Variants in CDC73 observed in about 807,000 individuals in gnomAD.
CDC73 encodes parafibromin.
CDC73 carries 21 observed loss-of-function variants against 83.7 expected under a neutral mutation model. The ratio of observed to expected loss-of-function variants is 0.25; its 90% CI spans 0.18 to 0.36. The LOEUF (loss-of-function observed/expected upper bound fraction) is 0.36. Ranked by LOEUF, CDC73 falls within the 10% of genes least tolerant of loss-of-function variation. CDC73 has a pLI of 1.00. For synonymous variants in CDC73, 224 were observed against 212.9 expected (o/e 1.05, Z -0.45); for missense variants, 342 against 653.3 (o/e 0.52, Z 5.19).
intron 10 of CDC73, among the ~76,000 whole-genome samples, chr1:193,153,025 C>T (rs1284455550): frequency 6.6e-6 from 1 of 152,088 alleles, no homozygotes; most frequent in African/African-American, 2.4e-5. Context: ...GCCTCAGCCT[C>T]CTGAAGTGCT....
chr1:193,165,427 G>T lies in CDC73; in HGVS notation c.972+12983G>T, dbSNP rs192309078. 3.3e-5 allele frequency among the ~76,000 whole-genome samples: 5 copies of T among 152,238 alleles called. No individual in the cohort carries two copies. The East Asian group carries it at 9.7e-4, about 29-fold the overall frequency. Reference sequence around the variant, plus strand: ...AGTACAAATAGAGAAGTATAAAGAAGACTTTATGTATCAGTAGATAAGTAA... The same window carrying T: ...AGTACAAATAGAGAAGTATAAAGAATACTTTATGTATCAGTAGATAAGTAA... On this transcript the variant is annotated intron_variant, in intron 10 of 16. Transcript: ENST00000367435.
intron 15 of CDC73, among the ~76,000 whole-genome samples, chr1:193,243,208 G>C (rs1017598216): frequency 6.6e-6 from 1 of 152,012 alleles, no homozygotes; most frequent in Non-Finnish European, 1.5e-5. Flanking sequence ...CCAAAGTGCT[G>C]GGATTACAGG....
intron 2 of CDC73, among the ~76,000 whole-genome samples, chr1:193,125,584 T>TC (rs1675554478): frequency 6.6e-6 from 1 of 152,026 alleles, no homozygotes; most frequent in African/African-American, 2.4e-5. Flanking sequence ...TAAAACTTTT[T>TC]TTTTTTTTTT....
At position 193,122,142 on chromosome 1, in the gene CDC73, G is replaced by A; in HGVS notation, c.-59G>A. The A allele has an allele frequency of 1.9e-6, 3 of 1,556,414 alleles. No homozygotes were observed. Among genetic ancestry groups the A allele is most frequent in the Non-Finnish European group, 2.7e-6 (3 of 1,128,712 alleles). ...AGAGGGCGAGGCGACAAGAGAAGAA[G>A]GAGGCAGGCGCGGCGGCAGCGGCGG... On this transcript the variant is annotated 5_prime_UTR_variant, in exon 1 of 17. Transcript: ENST00000367435.
At chr1:193,137,526 A>G (rs1000217741) in intron 5 of CDC73, among the ~76,000 whole-genome samples, 2 of 152,234 alleles carry the variant, frequency 1.3e-5, no homozygotes, top group Non-Finnish European at 1.5e-5. Context: ...TGAATTAGAT[A>G]AAAGCTGAGC....
At chr1:193,243,033 A>G (rs1677889178) in intron 15 of CDC73, among the ~76,000 whole-genome samples, 1 of 151,050 alleles carries the variant, frequency 6.6e-6, no homozygotes, top group Non-Finnish European at 1.5e-5. Context: ...GCTCCCTGCA[A>G]CCCCCAGGTT....
chr1:193,221,033 C>T (rs1428704485), intron 13 of CDC73, among the ~76,000 whole-genome samples: 10 of 152,108 alleles, frequency 6.6e-5, no homozygotes, highest in Admixed American at 1.3e-4. Flanking sequence ...TGCAGTCTGT[C>T]TGTAGTCTTT....
At chr1:193,243,512 CTG>C (rs1677898784) in intron 15 of CDC73, among the ~76,000 whole-genome samples, 1 of 152,082 alleles carries the variant, frequency 6.6e-6, no homozygotes, top group Non-Finnish European at 1.5e-5. Flanking sequence ...TTAAAGAAGA[CTG>C]TAGGCCATTA....
At chr1:193,146,946 T>A (rs906743070) in intron 7 of CDC73, among the ~76,000 whole-genome samples, 2 of 152,126 alleles carry the variant, frequency 1.3e-5, no homozygotes, top group African/African-American at 4.8e-5. Flanking sequence ...AGTTGATTAT[T>A]TTTTTTTCTG....
rs1007396445 is a variant in CDC73 at position 193,253,948 on chromosome 1, T to G, written c.*3236T>G. The G allele has an allele frequency of 1.8e-5, 4 of 222,668 alleles. No homozygotes were observed. Among genetic ancestry groups the G allele is most frequent in the Non-Finnish European group, 3.6e-5 (4 of 111,590 alleles). The allele number at this position is 222,668 out of a possible 1,614,324, so 13.8% of individuals were successfully genotyped here. A position where few individuals can be genotyped will look rare whatever the true frequency, so the allele number is the denominator to read the frequency against. The stretch of plus-strand genomic sequence containing the variant: ...TTTTTGGAGGGGTGGGGAGGAATAT[T>G]TGTTGAACTAAAGTATATAAAATTT... On this transcript the variant is annotated 3_prime_UTR_variant, in exon 17 of 17. Transcript: ENST00000367435.
At chr1:193,138,445 T>C (rs1240875153) in intron 6 of CDC73, among the ~76,000 whole-genome samples, 5 of 152,236 alleles carry the variant, frequency 3.3e-5, no homozygotes, top group African/African-American at 4.8e-5. Context: ...TTACCTCTTA[T>C]TGATTACTTA....
intron 10 of CDC73, chr1:193,185,940 C>CCAA (rs984966773): frequency 6.6e-6 from 1 of 152,096 alleles, no homozygotes; most frequent in Non-Finnish European, 1.5e-5. Context: ...TATGAACTTG[C>CCAA]TTATCAGGTA....
chr1:193,228,514 T>A (rs936395195), intron 13 of CDC73, among the ~76,000 whole-genome samples: 4 of 152,190 alleles, frequency 2.6e-5, no homozygotes, highest in African/African-American at 9.7e-5. Context: ...TAATGGAGAT[T>A]GCTTAAATGG....
chr1:193,172,905 G>A (rs2103151311), intron 10 of CDC73, among the ~76,000 whole-genome samples: 1 of 152,302 alleles, frequency 6.6e-6, no homozygotes, highest in Admixed American at 6.5e-5. Flanking sequence ...TGACATAATG[G>A]ATTTAGGTTT....
chr1:193,138,053 T>A (rs1252377944), intron 5 of CDC73, 32 bp from the exon 6 acceptor site: 1 of 1,516,366 alleles, frequency 6.6e-7, no homozygotes, highest in East Asian at 2.3e-5. Flanking sequence ...TCAATAAAAA[T>A]TTTAAATGCA....
chr1:193,135,681 A>C lies in CDC73; in HGVS notation c.423+92A>C, dbSNP rs1450724819. 3.8e-6 allele frequency: 4 copies of C among 1,050,988 alleles called. No individual in the cohort carries two copies. In the East Asian group the frequency reaches 1.1e-4, roughly 28 times the overall value. 65.1% of individuals were successfully genotyped at this position (1,050,988 alleles called of 1,614,324 possible). A position where few individuals can be genotyped will look rare whatever the true frequency, so the allele number is the denominator to read the frequency against. ...AGGATTCTTTGATTGCAGTAACCTGAGGAGCTTTTTTTCTGGAAAAATTTT... is the reference window on the plus strand; with the variant it reads ...AGGATTCTTTGATTGCAGTAACCTGCGGAGCTTTTTTTCTGGAAAAATTTT... On this transcript the variant is annotated intron_variant, in intron 5 of 16. Transcript: ENST00000367435.
At chr1:193,203,677 A>C in intron 10 of CDC73, 118 bp from the exon 11 acceptor site, 2 of 837,992 alleles carry the variant, frequency 2.4e-6, no homozygotes, top group Non-Finnish European at 2.0e-6. Context: ...TGGAGTAACC[A>C]ACTGAGTGAG....
intron 7 of CDC73, among the ~76,000 whole-genome samples, chr1:193,145,502 C>T (rs1169413526): frequency 1.3e-5 from 2 of 152,112 alleles, no homozygotes; most frequent in African/African-American, 2.4e-5. Context: ...AATTTAAAAC[C>T]TGCCACTCTT....
intron 11 of CDC73, among the ~76,000 whole-genome samples, chr1:193,204,124 T>C (rs1443055039): frequency 6.6e-6 from 1 of 151,378 alleles, no homozygotes; most frequent in East Asian, 1.9e-4. Context: ...AGTAAATTAT[T>C]TATTTTCCTA....
Sources: allele counts gnomAD v4.1 joint callset (sites outside exome capture counted in the v4.1 genomes callset), GRCh38; gene constraint gnomAD v4.1.1; transcripts MANE v1.5; gene names NCBI Gene and HGNC (gene_info 2026-07-23, HGNC 2026-07-21).